Variants in RTBDN observed in about 807,000 individuals in gnomAD.
RTBDN encodes the protein retbindin.
RTBDN carries 24 observed loss-of-function variants against 21.9 expected under a neutral mutation model. The ratio of observed to expected loss-of-function variants is 1.10; its 90% CI spans 0.79 to 1.54. The LOEUF is 1.54. Ranked by LOEUF, RTBDN falls within the 40% of genes most tolerant of loss-of-function variation. The probability of loss-of-function intolerance (pLI) is 0.00; values close to 1 mark genes in which losing one functional copy is unlikely to be tolerated. For synonymous variants in RTBDN, 141 were observed against 125.9 expected (o/e 1.12, Z -0.80); for missense variants, 325 against 315.2 (o/e 1.03, Z -0.23).
chr19:12,826,156 G>T, intron 5 of RTBDN: 1 of 1,381,240 alleles, frequency 7.2e-7, no homozygotes, highest in Non-Finnish European at 9.3e-7. Context: ...GGCAGTTGGG[G>T]GGCGCGCAGA....
At position 12,834,432 on chromosome 19, in the gene RTBDN, C is replaced by G. The variant is rs1969686181; in HGVS notation, c.-19+57G>C. On this transcript the variant is annotated intron_variant, in intron 1 of 5. Transcript: ENST00000674343. The surrounding 1 kb of genome is among the most constrained non-coding windows in gnomAD (Gnocchi z 4.7). Reference sequence around the variant, plus strand: ...ACATGTTTGTGCGGCAACCTCGCCCCTCACCACCCCAGGAGCCCCCTCCCG... The same window carrying G: ...ACATGTTTGTGCGGCAACCTCGCCCGTCACCACCCCAGGAGCCCCCTCCCG... The G allele has an allele frequency of 8.0e-6, 11 of 1,380,342 alleles. No individual in the cohort carries two copies. The South Asian group carries it at 1.4e-4, about 17-fold the overall frequency. The allele number at this position is 1,380,342 out of a possible 1,614,324, so 85.5% of individuals were successfully genotyped here.
At chr19:12,834,585 C>T (rs1969693094), upstream of RTBDN, 3 of 1,515,660 alleles carry the variant, frequency 2.0e-6, no homozygotes, top group African/African-American at 1.4e-5. This position sits in a 1 kb window ranked among gnomAD's most constrained non-coding sequence, Gnocchi z 4.7. Context: ...ACAACATCCG[C>T]CCCCCCACCG....
In RTBDN at chr19:12,828,807, C is replaced by T. The variant is rs753886635; in HGVS notation, c.255-40G>A. On this transcript the variant is annotated intron_variant, in intron 3 of 5. Transcript: ENST00000674343. ...AGATAGGGTCGGATGGGTCAGGACC[C>T]GAGGGAGTTCCTGGGCAATGGGCAA... 7 of 1,613,532 alleles carry T rather than the reference C, an allele frequency of 4.3e-6. No homozygotes were observed. In the Admixed American group the frequency reaches 8.3e-5, roughly 19 times the overall value.
intron 5 of RTBDN, 132 bp downstream of exon 5, chr19:12,826,643 G>A: frequency 1.3e-6 from 1 of 750,102 alleles, no homozygotes; most frequent in Non-Finnish European, 2.2e-6. Flanking sequence ...GCATCGAGCT[G>A]AGATCGCGCC....
At chr19:12,827,355 C>T (rs1348479096) in intron 4 of RTBDN, among the ~76,000 whole-genome samples, 1 of 139,606 alleles carries the variant, frequency 7.2e-6, no homozygotes, top group Admixed American at 7.6e-5. Context: ...TGGAGTCCTG[C>T]TCTGTTACCC....
upstream of RTBDN, chr19:12,834,986 G>T: frequency 1.3e-6 from 2 of 1,564,030 alleles, no homozygotes; most frequent in South Asian, 1.1e-5. This position sits in a 1 kb window ranked among gnomAD's most constrained non-coding sequence, Gnocchi z 4.7. Context: ...TCAGCCCCAG[G>T]CTTGGTAATC....
intron 4 of RTBDN, 75 bp downstream of exon 4, chr19:12,828,582 G>T: frequency 8.6e-7 from 1 of 1,162,112 alleles, no homozygotes; most frequent in Non-Finnish European, 1.2e-6. Context: ...TACACAGAAG[G>T]CCAAGCAAAC....
chr19:12,830,014 G>C lies in RTBDN; in HGVS notation c.-18-17C>G. On this transcript the variant is annotated splice_polypyrimidine_tract_variant and intron_variant, in intron 1 of 5. Coordinates refer to ENST00000674343, the MANE Select transcript of RTBDN (RefSeq NM_001270441.2). The surrounding 1 kb of genome is among the most constrained non-coding windows in gnomAD (Gnocchi z 4.2). ...AGATAAGAGCTGGCAGGCATAGGGT[G>C]GGGTTCAGCCATCCCTTTCTGTGAG... 1.9e-6 allele frequency: 3 copies of C among 1,593,020 alleles called. No homozygotes were observed. In the South Asian group the frequency reaches 3.3e-5, roughly 18 times the overall value.
At chr19:12,827,534 GC>G (rs1463299739) in intron 4 of RTBDN, among the ~76,000 whole-genome samples, 1 of 151,816 alleles carries the variant, frequency 6.6e-6, no homozygotes, top group Non-Finnish European at 1.5e-5. Context: ...CGTTGGCCAA[GC>G]TTGTCTCAAA....
intron 1 of RTBDN, among the ~76,000 whole-genome samples, chr19:12,831,449 A>G (rs1969570740): frequency 6.6e-6 from 1 of 152,226 alleles, no homozygotes; most frequent in Non-Finnish European, 1.5e-5. Context: ...TCACACCTGT[A>G]ATCCCAGCAC....
At chr19:12,829,465 A>G (rs1022238429) in intron 2 of RTBDN, among the ~76,000 whole-genome samples, 2 of 152,128 alleles carry the variant, frequency 1.3e-5, no homozygotes, top group Non-Finnish European at 2.9e-5. Flanking sequence ...AGCCTCCCAA[A>G]GTGCTGGGAT....
upstream of RTBDN, chr19:12,834,854 G>A (rs1278975818): frequency 6.2e-7 from 1 of 1,614,122 alleles, no homozygotes; most frequent in African/African-American, 1.3e-5. This position sits in a 1 kb window ranked among gnomAD's most constrained non-coding sequence, Gnocchi z 4.7. Context: ...TTTCTGAGGG[G>A]TTAGTACGGA....
chr19:12,827,869 G>A (rs115721585), intron 4 of RTBDN, among the ~76,000 whole-genome samples: 3,488 of 152,042 alleles, frequency 0.023, 97 homozygotes, highest in African/African-American at 0.059. Flanking sequence ...CAAGGCAGGC[G>A]GACCACCTAG....
Position 12,829,938 on chromosome 19 carries a change from C to A in RTBDN, c.42G>T (p.Trp14Cys). 6.2e-7 allele frequency: 1 copy of A among 1,614,114 alleles called. No individual in the cohort carries two copies. The highest frequency in any genetic ancestry group is 8.5e-7 in the Non-Finnish European group (1 of 1,179,972). ...RVHMRPIGLT[W>C]VLQLTLAWIL... ...TCCATGCCAAGGTCAGTTGCAGCAC[C>A]CACGTCAGGCCGATGGGTCGCATGT... The change falls in exon 2 of 6, where the codon TGG (tryptophan) becomes TGT (cysteine). Residue 14 changes from tryptophan to cysteine, a missense_variant. Physicochemically the swap from Trp to Cys is radical, Grantham distance 215. Transcript: ENST00000674343.
In RTBDN at chr19:12,830,429, G is replaced by T. The variant is rs552771355; in HGVS notation, c.-18-432C>A. ...TCTCGCTCCCTGCCGGCCCTTCTCT[G>T]GGTCACCTTCTCTCGGCCCACAATC... On this transcript the variant is annotated intron_variant, in intron 1 of 5. Coordinates refer to ENST00000674343, the MANE Select transcript of RTBDN (RefSeq NM_001270441.2). The surrounding 1 kb of genome is among the most constrained non-coding windows in gnomAD (Gnocchi z 4.2). 3.1e-4 allele frequency: 306 copies of T among 989,016 alleles called. No individual in the cohort carries two copies. In the East Asian group the frequency reaches 3.6e-3, roughly 12 times the overall value. 61.3% of individuals were successfully genotyped at this position (989,016 alleles called of 1,614,324 possible).
At chr19:12,826,727 G>T in intron 5 of RTBDN, 48 bp downstream of exon 5, 2 of 1,100,986 alleles carry the variant, frequency 1.8e-6, no homozygotes, top group East Asian at 2.6e-5. Context: ...AAATAACTTG[G>T]TGGGGAGGAT....
chr19:12,830,517 C>T lies in RTBDN; in HGVS notation c.-18-520G>A, dbSNP rs1969529283. 1 of 985,060 alleles carries T rather than the reference C, an allele frequency of 1.0e-6. No individual in the cohort carries two copies. The highest frequency in any genetic ancestry group is 4.7e-5 in the South Asian group (1 of 21,300). 61.0% of individuals were successfully genotyped at this position (985,060 alleles called of 1,614,324 possible). A position where few individuals can be genotyped will look rare whatever the true frequency, so the allele number is the denominator to read the frequency against. The stretch of plus-strand genomic sequence containing the variant: ...AGGCTGGTGTGGCAGGGCTCAGGTT[C>T]TGTCACTGGGGCCCAAAGCCCCGAG... On this transcript the variant is annotated intron_variant, in intron 1 of 5. Transcript: ENST00000674343. The surrounding 1 kb of genome is among the most constrained non-coding windows in gnomAD (Gnocchi z 4.2).
chr19:12,835,143 G>C (rs778555117), upstream of RTBDN: 11 of 1,604,760 alleles, frequency 6.9e-6, no homozygotes, highest in East Asian at 1.8e-4. Context: ...GAAGGCCAAG[G>C]GGAGCTGATT....
In RTBDN at chr19:12,830,471, A is replaced by T. The variant is rs944867165; in HGVS notation, c.-18-474T>A. ...CCCACAATCGGCTTAGGGGCCACCC[A>T]GAGCTGGACCTTTGGGACCAAGGCT... On this transcript the variant is annotated intron_variant, in intron 1 of 5. Coordinates refer to ENST00000674343, the MANE Select transcript of RTBDN (RefSeq NM_001270441.2). The surrounding 1 kb of genome is among the most constrained non-coding windows in gnomAD (Gnocchi z 4.2). The T allele has an allele frequency of 1.0e-6, 1 of 986,720 alleles. No homozygotes were observed. Among genetic ancestry groups the T allele is most frequent in the African/African-American group, 1.7e-5 (1 of 57,256 alleles). 61.1% of individuals were successfully genotyped at this position (986,720 alleles called of 1,614,324 possible).
Sources: allele counts gnomAD v4.1 joint callset (sites outside exome capture counted in the v4.1 genomes callset), GRCh38; gene constraint gnomAD v4.1.1; non-coding constraint Gnocchi (gnomAD v3.1); transcripts MANE v1.5; gene names NCBI Gene and HGNC (gene_info 2026-07-23, HGNC 2026-07-21).